WDR62: variants seen among roughly 807,000 people sequenced by gnomAD.
WDR62 encodes WD repeat-containing protein 62.
A neutral mutation model predicts 160.6 loss-of-function variants in WDR62; 112 were observed. The observed-to-expected ratio is 0.70, with a 90% CI of 0.60 to 0.82. The LOEUF (loss-of-function observed/expected upper bound fraction) is 0.82, where lower values mean the gene tolerates loss of function less well. Among genes scored for constraint, WDR62 ranks in the 40% least tolerant of loss-of-function variants. The probability of loss-of-function intolerance (pLI) is 0.00; values close to 1 mark genes in which losing one functional copy is unlikely to be tolerated. For missense variants in WDR62, 1,819 were observed against 1,983.8 expected (o/e 0.92, Z 1.58); for synonymous variants, 792 against 815.1 (o/e 0.97, Z 0.48).
intron 20 of WDR62, among the ~76,000 whole-genome samples, chr19:36,096,528 A>G (rs867061882): frequency 5.5e-4 from 83 of 151,258 alleles, no homozygotes; most frequent in African/African-American, 2.0e-3. Context: ...ACATGGTGAA[A>G]CCCCGTCTCT....
At chr19:36,109,373 T>C (rs1191492438), downstream of WDR62, among the ~76,000 whole-genome samples, 3 of 152,188 alleles carry the variant, frequency 2.0e-5, no homozygotes, top group Non-Finnish European at 4.4e-5. Context: ...CATTCTGGGC[T>C]GTCACTGGTG....
chr19:36,103,995 T>C lies in WDR62; in HGVS notation c.4153+14T>C. ...AGCCCACCTCCGGTGAGTACAGCCC[T>C]GGAGCAAGGACTGTCCCCTAAGCTC... On this transcript the variant is annotated intron_variant, in intron 30 of 31. Transcript: ENST00000401500. The C allele has an allele frequency of 6.3e-7, 1 of 1,597,250 alleles. No homozygotes were observed. Among genetic ancestry groups the C allele is most frequent in the African/African-American group, 1.3e-5 (1 of 75,010 alleles).
chr19:36,108,995 C>T (rs114580186), downstream of WDR62, among the ~76,000 whole-genome samples: 908 of 152,200 alleles, frequency 6.0e-3, 11 homozygotes, highest in African/African-American at 0.018. Context: ...TCCTTAGTCT[C>T]ATTTTCCAGG....
At position 36,084,358 on chromosome 19, in the gene WDR62, A is replaced by T. The variant is rs535734901; in HGVS notation, c.1551-295A>T. Among the ~76,000 whole-genome samples, 11 of 152,172 alleles carry T rather than the reference A, an allele frequency of 7.2e-5. No homozygotes were observed. In the East Asian group the frequency reaches 1.7e-3, roughly 24 times the overall value. On this transcript the variant is annotated intron_variant, in intron 11 of 31. Coordinates refer to ENST00000401500, the MANE Select transcript of WDR62 (RefSeq NM_001083961.2). Reference sequence around the variant, plus strand: ...TGTCCTACCCCAGGGACCACCTCTGATGCAGCCCTACGTAAACACCTGCCC... The same window carrying T: ...TGTCCTACCCCAGGGACCACCTCTGTTGCAGCCCTACGTAAACACCTGCCC...
Position 36,104,823 on chromosome 19 carries a change from T to G in WDR62, c.4367T>G (p.Val1456Gly), listed in dbSNP as rs1160094091. ...CAGCAGCAGGCACGGACTGAGCTGGTCTCCACCTTCCTGTGGATCCACAGC... is the reference window on the plus strand; with the variant it reads ...CAGCAGCAGGCACGGACTGAGCTGGGCTCCACCTTCCTGTGGATCCACAGC... ...TGQQQARTEL[V>G]STFLWIHSQL... The change falls in exon 32 of 32, where the codon GTC becomes GGC. Residue 1456 changes from valine (V) to glycine (G), a missense_variant. This residue lies in a region of WDR62 where 770 missense variants were observed against 734.2 expected (regional missense o/e 1.05). Coordinates refer to ENST00000401500, the MANE Select transcript of WDR62 (RefSeq NM_001083961.2). The G allele has an allele frequency of 6.2e-7, 1 of 1,613,410 alleles. No individual in the cohort carries two copies. The highest frequency in any genetic ancestry group is 8.5e-7 in the Non-Finnish European group (1 of 1,180,020).
chr19:36,089,635 G>A (rs1486218412), intron 15 of WDR62, among the ~76,000 whole-genome samples: 1 of 152,190 alleles, frequency 6.6e-6, no homozygotes, highest in Non-Finnish European at 1.5e-5. Flanking sequence ...TAGAGACGAG[G>A]TTTCGCCATG....
intron 9 of WDR62, among the ~76,000 whole-genome samples, chr19:36,079,164 C>T (rs145363894): frequency 3.0e-4 from 46 of 152,242 alleles, no homozygotes; most frequent in Non-Finnish European, 6.2e-4. Context: ...TCACTGAAGC[C>T]TCAACCTCAT....
rs776100375 is a variant in WDR62 at position 36,084,680 on chromosome 19, G to A, written c.1578G>A (p.Glu526=). Reference sequence around the variant, plus strand: ...TCCACGAGCTGCACTTCATGGACGAGCTGGTCAAGGTGGAGGCCCATGATG... The same window carrying A: ...TCCACGAGCTGCACTTCATGGACGAACTGGTCAAGGTGGAGGCCCATGATG... ...LRIHELHFMD[E]LVKVEAHDAE... is the part of the protein sequence containing the mutation. The change falls in exon 12 of 32, where the codon GAG becomes GAA. Residue 526 remains glutamate, a synonymous_variant. Transcript: ENST00000401500. The A allele has an allele frequency of 1.9e-6, 3 of 1,613,942 alleles. No individual in the cohort carries two copies. The highest frequency in any genetic ancestry group is 4.5e-5 in the East Asian group (2 of 44,872).
chr19:36,081,583 C>T lies in WDR62; in HGVS notation c.1371+13C>T, dbSNP rs1460940112. The T allele has an allele frequency of 1.2e-6, 2 of 1,614,172 alleles. No homozygotes were observed. The highest frequency in any genetic ancestry group is 2.2e-5 in the East Asian group (1 of 44,884). ...CATCTTCAGCAATGTGAGTGGCTTC[C>T]TTTGTGAACCATCTTTCAGGAGGAA... On this transcript the variant is annotated intron_variant, in intron 10 of 31. Coordinates refer to ENST00000401500, the MANE Select transcript of WDR62 (RefSeq NM_001083961.2).
Position 36,104,871 on chromosome 19 carries a change from TG to T in WDR62, c.4419del (p.Thr1474LeufsTer63). 1 of 1,612,768 alleles carries T rather than the reference TG, an allele frequency of 6.2e-7. No individual in the cohort carries two copies. Among genetic ancestry groups the T allele is most frequent in the Non-Finnish European group, 8.5e-7 (1 of 1,179,946 alleles). ...IHSQLEAECLVGTSVAPAQAL... is the reference protein window; with the variant it reads ...IHSQLEAECLXGTSVAPAQAL... The stretch of plus-strand genomic sequence containing the variant: ...AGCCAGCTGGAGGCTGAATGCCTGG[TG>T]GGGACTAGTGTGGCCCCAGCCCAGG... On this transcript the variant is annotated frameshift_variant, in exon 32 of 32. Transcript: ENST00000401500. LOFTEE classifies it low-confidence loss of function (END_TRUNC).
intron 21 of WDR62, among the ~76,000 whole-genome samples, chr19:36,098,337 C>G (rs1196999646): frequency 2.6e-5 from 4 of 151,578 alleles, no homozygotes; most frequent in Non-Finnish European, 5.9e-5. Flanking sequence ...GAGGCCAAGG[C>G]GGGTGTAATC....
intron 5 of WDR62, 97 bp from the exon 6 acceptor site, chr19:36,067,209 A>C (rs1970985347): frequency 1.1e-5 from 17 of 1,535,226 alleles, no homozygotes; most frequent in Middle Eastern, 1.8e-4. Context: ...ACAGACTTGG[A>C]GTGGGGACGA....
Position 36,105,002 on chromosome 19 carries a change from G to C in WDR62, c.4546G>C (p.Val1516Leu). The C allele has an allele frequency of 6.2e-7, 1 of 1,601,278 alleles. No homozygotes were observed. The highest frequency in any genetic ancestry group is 1.1e-5 in the South Asian group (1 of 89,902). The stretch of plus-strand genomic sequence containing the variant: ...CTACTCGGAGCTGCTGGTGCAGGCC[G>C]TGCGGAGGAAGGCACGGGGGCACTG... Reference protein sequence around the residue: ...EHYSELLVQAVRRKARGH With the variant: ...EHYSELLVQALRRKARGH The change falls in exon 32 of 32, where the codon GTG (valine) becomes CTG (leucine). Residue 1516 changes from valine (V) to leucine (L), a missense_variant. By Grantham distance (32) the Val-to-Leu change is conservative. This residue lies in a region of WDR62 where 770 missense variants were observed against 734.2 expected (regional missense o/e 1.05). Transcript: ENST00000401500.
downstream of WDR62, among the ~76,000 whole-genome samples, chr19:36,107,806 T>C (rs1336158594): frequency 6.6e-6 from 1 of 152,058 alleles, no homozygotes; most frequent in Non-Finnish European, 1.5e-5. Flanking sequence ...GGAAGGACCA[T>C]ACTTTCTCCA....
At chr19:36,072,798 C>T (rs2145634782) in intron 8 of WDR62, among the ~76,000 whole-genome samples, 1 of 152,296 alleles carries the variant, frequency 6.6e-6, no homozygotes, top group Non-Finnish European at 1.5e-5. Context: ...GACTATACCT[C>T]CCTGTGCTTC....
At chr19:36,096,837 T>G (rs1324500255) in intron 20 of WDR62, among the ~76,000 whole-genome samples, 190 bp from the exon 21 acceptor site, 1 of 152,236 alleles carries the variant, frequency 6.6e-6, no homozygotes, top group Non-Finnish European at 1.5e-5. Context: ...TTAAGCTTTT[T>G]CACCTCGGTC....
chr19:36,100,757 C>A lies in WDR62; in HGVS notation c.2749C>A (p.Pro917Thr). Residue 917 changes from proline (P) to threonine (T), a missense_variant, in exon 23 of 32, where the codon CCC (proline) becomes ACC (threonine). This residue lies in a region of WDR62 where 934 missense variants were observed against 1,157.2 expected (regional missense o/e 0.81). Transcript: ENST00000401500. ...LASLLSESES[P>T]QEAGRGHPSF... Reference sequence around the variant, plus strand: ...GCTGTCTTCCCCATAGTCAGAGAGTCCCCAGGAAGCTGGCCGCGGGCACCC... The same window carrying A: ...GCTGTCTTCCCCATAGTCAGAGAGTACCCAGGAAGCTGGCCGCGGGCACCC... The A allele has an allele frequency of 1.2e-6, 2 of 1,614,106 alleles. No homozygotes were observed. Among genetic ancestry groups the A allele is most frequent in the South Asian group, 1.1e-5 (1 of 91,068 alleles).
chr19:36,061,065 T>G (rs1453534053), intron 3 of WDR62: 1 of 152,352 alleles, frequency 6.6e-6, no homozygotes, highest in African/African-American at 2.4e-5. Flanking sequence ...CAGGCTCAGC[T>G]CCTTTGGCCC....
downstream of WDR62, among the ~76,000 whole-genome samples, chr19:36,106,757 C>T (rs529850466): frequency 3.9e-5 from 6 of 152,334 alleles, no homozygotes; most frequent in South Asian, 1.2e-3. Context: ...GGCCTTGTTG[C>T]TTCATAACAT....
Sources: allele counts gnomAD v4.1 joint callset (sites outside exome capture counted in the v4.1 genomes callset), GRCh38; gene constraint gnomAD v4.1.1; regional missense constraint gnomAD v4.1.1; transcripts MANE v1.5; gene names NCBI Gene and HGNC (gene_info 2026-07-23, HGNC 2026-07-21).